The following AQP9 variants were observed in gnomAD, a reference collection of about 807,000 sequenced individuals.
AQP9 encodes the protein aquaporin-9.
A neutral mutation model predicts 23.8 loss-of-function variants in AQP9; 19 were observed. The observed-to-expected ratio is 0.80, with a 90% confidence interval of 0.56 to 1.17. The LOEUF (loss-of-function observed/expected upper bound fraction) is 1.17. Among genes scored for constraint, AQP9 ranks in the 50% most tolerant of loss-of-function variants. The probability of loss-of-function intolerance (pLI) is 0.00; values close to 1 mark genes in which losing one functional copy is unlikely to be tolerated. For missense variants in AQP9, 413 were observed against 362.0 expected (o/e 1.14, Z -1.14); for synonymous variants, 153 against 131.5 (o/e 1.16, Z -1.12).
intron 1 of AQP9, among the ~76,000 whole-genome samples, chr15:58,141,266 T>C (rs1472453797): frequency 6.6e-6 from 1 of 152,208 alleles, no homozygotes; most frequent in Non-Finnish European, 1.5e-5. Context: ...TTCAGGATTC[T>C]TTGATACAGA....
intron 1 of AQP9, among the ~76,000 whole-genome samples, chr15:58,144,191 G>C (rs1566979742): frequency 6.6e-6 from 1 of 151,594 alleles, no homozygotes; most frequent in African/African-American, 2.4e-5. Flanking sequence ...ATTGTTATAG[G>C]ATATTTATAT....
intron 4 of AQP9, among the ~76,000 whole-genome samples, chr15:58,178,725 A>ATTG (rs1898811973): frequency 6.6e-6 from 1 of 152,110 alleles, no homozygotes; most frequent in African/African-American, 2.4e-5. Context: ...GATATCTCAC[A>ATTG]TTGCTTTTCT....
rs1566993261 is a variant in AQP9 at position 58,184,844 on chromosome 15, T to A, written c.*709T>A. 1 of 152,242 alleles carries A rather than the reference T, an allele frequency of 6.6e-6. No individual in the cohort carries two copies. Among genetic ancestry groups the A allele is most frequent in the Non-Finnish European group, 1.5e-5 (1 of 68,044 alleles). 9.4% of individuals were successfully genotyped at this position (152,242 alleles called of 1,614,324 possible). A position where few individuals can be genotyped will look rare whatever the true frequency, so the allele number is the denominator to read the frequency against. The stretch of plus-strand genomic sequence containing the variant: ...TCTCCTGCATTTTAGAGGACACCAA[T>A]TAATTTCCTGGTCTTTAGTATATAA... On this transcript the variant is annotated 3_prime_UTR_variant, in exon 6 of 6. Transcript: ENST00000219919.
At chr15:58,178,265 A>T (rs1898800242) in intron 4 of AQP9, among the ~76,000 whole-genome samples, 1 of 152,032 alleles carries the variant, frequency 6.6e-6, no homozygotes, top group Non-Finnish European at 1.5e-5. Flanking sequence ...AAAAATACAA[A>T]TTTTTTTCAC....
intron 1 of AQP9, among the ~76,000 whole-genome samples, chr15:58,165,980 C>T (rs1898493905): frequency 1.3e-5 from 2 of 152,140 alleles, no homozygotes; most frequent in South Asian, 4.1e-4. Context: ...CAAATCTATC[C>T]CCCTAAGGTT....
At chr15:58,174,299 GAA>G (rs67680373) in intron 3 of AQP9, among the ~76,000 whole-genome samples, 8 of 143,086 alleles carry the variant, frequency 5.6e-5, no homozygotes, top group African/African-American at 1.6e-4. Context: ...AGAAAAAAAA[GAA>G]AAAAAAAAAG....
chr15:58,179,094 G>A, intron 4 of AQP9, 34 bp from the exon 5 acceptor site: 1 of 1,499,786 alleles, frequency 6.7e-7, no homozygotes, highest in Non-Finnish European at 9.3e-7. Flanking sequence ...GCAGAATGCA[G>A]GCTAAAGCCC....
chr15:58,142,861 C>T (rs1451466281), intron 1 of AQP9, among the ~76,000 whole-genome samples: 1 of 152,148 alleles, frequency 6.6e-6, no homozygotes, highest in Non-Finnish European at 1.5e-5. Flanking sequence ...TCACATGGAG[C>T]TAGAGCTGTC....
At position 58,144,839 on chromosome 15, in the gene AQP9, C is replaced by A. The variant is rs185723186; in HGVS notation, c.111+6163C>A. Among the ~76,000 whole-genome samples the A allele has an allele frequency of 7.4e-4, 113 of 151,770 alleles. 1 individual carries two copies. Among genetic ancestry groups the A allele is most frequent in the African/African-American group, 2.7e-3 (110 of 41,400 alleles). On this transcript the variant is annotated intron_variant, in intron 1 of 5. Coordinates refer to ENST00000219919, the MANE Select transcript of AQP9 (RefSeq NM_020980.5). ...GACCAGCCTGGTCAATATGGTGAAA[C>A]CCCATCTTTACTAAAAATACAAAAA... is the stretch of plus-strand genomic sequence containing the variant.
intron 2 of AQP9, among the ~76,000 whole-genome samples, chr15:58,172,461 A>T (rs1163074547): frequency 1.3e-5 from 2 of 152,316 alleles, no homozygotes; most frequent in Admixed American, 6.5e-5. Flanking sequence ...GGCTCAGGAA[A>T]GGGTTGCTAC....
intron 1 of AQP9, among the ~76,000 whole-genome samples, chr15:58,165,512 A>G (rs926282603): frequency 7.9e-5 from 12 of 152,158 alleles, no homozygotes; most frequent in African/African-American, 2.7e-4. Flanking sequence ...TCATGGAGAG[A>G]GATCATGTAC....
At chr15:58,164,618 A>T (rs1320770314) in intron 1 of AQP9, among the ~76,000 whole-genome samples, 1 of 152,140 alleles carries the variant, frequency 6.6e-6, no homozygotes, top group Non-Finnish European at 1.5e-5. Context: ...GAGAAAGGGG[A>T]CATGTTCCTG....
At chr15:58,138,761 GTTTTA>G in intron 1 of AQP9, 85 bp downstream of exon 1, 1 of 1,212,544 alleles carries the variant, frequency 8.2e-7, no homozygotes, top group Non-Finnish European at 1.2e-6. Flanking sequence ...TGTTTGGTTT[GTTTTA>G]TTTAAGTTAA....
At chr15:58,170,234 G>T (rs1898591150) in intron 2 of AQP9, among the ~76,000 whole-genome samples, 1 of 152,090 alleles carries the variant, frequency 6.6e-6, no homozygotes, top group African/African-American at 2.4e-5. Context: ...AGGCATCAGG[G>T]TGCCACTTGT....
intron 3 of AQP9, 76 bp downstream of exon 3, chr15:58,173,281 A>G: frequency 1.3e-6 from 2 of 1,587,796 alleles, no homozygotes; most frequent in East Asian, 4.5e-5. Flanking sequence ...TGGTAGGCAC[A>G]GGCGAGAAAA....
At chr15:58,150,788 C>G (rs1330174902) in intron 1 of AQP9, 1 of 152,154 alleles carries the variant, frequency 6.6e-6, no homozygotes, top group Admixed American at 6.5e-5. Flanking sequence ...AAAATTCTTC[C>G]TAGTGGTCAC....
chr15:58,172,995 G>C, intron 2 of AQP9, 73 bp from the exon 3 acceptor site: 1 of 1,580,730 alleles, frequency 6.3e-7, no homozygotes, highest in Non-Finnish European at 8.7e-7. Flanking sequence ...AATTCCACCT[G>C]AGGTCTCTAG....
rs1436912112 is a variant in AQP9, at chr15:58,185,512, G to A, written c.*1377G>A. ...ATTTGCTGAAAAACATTATGAGAAG[G>A]CCTCCCTTCCTAAGCCACCTCTGGT... On this transcript the variant is annotated 3_prime_UTR_variant, in exon 6 of 6. Transcript: ENST00000219919. 1 of 152,396 alleles carries A rather than the reference G, an allele frequency of 6.6e-6. No homozygotes were observed. Among genetic ancestry groups the A allele is most frequent in the Non-Finnish European group, 1.5e-5 (1 of 68,042 alleles). The allele number at this position is 152,396 out of a possible 1,614,324, so 9.4% of individuals were successfully genotyped here. A position where few individuals can be genotyped will look rare whatever the true frequency, so the allele number is the denominator to read the frequency against.
rs1311226972 is a variant in AQP9, at chr15:58,166,801, T to TA, written c.238+4dup. 6.2e-7 allele frequency: 1 copy of TA among 1,613,584 alleles called. No individual in the cohort carries two copies. The highest frequency in any genetic ancestry group is 1.3e-5 in the African/African-American group (1 of 75,046). On this transcript the variant is annotated splice_region_variant and intron_variant, in intron 2 of 5. Coordinates refer to ENST00000219919, the MANE Select transcript of AQP9 (RefSeq NM_020980.5). ...TTTATGTGGCTGGCGGTGTCTCTGG[T>TA]AAGCAGTAGAAATAATGAATGCTGC...
Sources: gnomAD v4.1 joint callset for allele counts (sites outside exome capture counted in the v4.1 genomes callset) on GRCh38, gnomAD v4.1.1 for gene constraint, MANE v1.5 for transcripts, NCBI Gene and HGNC (gene_info 2026-07-23, HGNC 2026-07-21) for gene names.